SSMEM1: variants seen among roughly 807,000 people sequenced by gnomAD.
SSMEM1 encodes serine rich single-pass membrane protein 1.
A neutral mutation model predicts 9.9 loss-of-function variants in SSMEM1; 12 were observed. The ratio of observed to expected loss-of-function variants is 1.21; its 90% confidence interval spans 0.78 to 1.96. The LOEUF is 1.96. Among genes scored for constraint, SSMEM1 ranks in the 30% most tolerant of loss-of-function variants. SSMEM1 has a pLI of 0.00. For missense variants in SSMEM1, 259 were observed against 292.2 expected (o/e 0.89, Z 0.83); for synonymous variants, 96 against 98.9 (o/e 0.97, Z 0.17).
At chr7:130,208,219 A>G (rs568653894) in intron 1 of SSMEM1, 126 bp downstream of exon 1, 3 of 925,438 alleles carry the variant, frequency 3.2e-6, no homozygotes, top group South Asian at 2.1e-5. Context: ...AAATAATGCA[A>G]TCTTATTCTG....
intron 1 of SSMEM1, 75 bp downstream of exon 1, chr7:130,208,168 A>G: frequency 7.2e-7 from 1 of 1,382,306 alleles, no homozygotes; most frequent in Non-Finnish European, 9.7e-7. Flanking sequence ...TACATTTACT[A>G]TACTTTGATG....
chr7:130,216,640 A>T lies in SSMEM1; in HGVS notation c.*170A>T. 1 of 809,788 alleles carries T rather than the reference A, an allele frequency of 1.2e-6. No homozygotes were observed. The highest frequency in any genetic ancestry group is 2.7e-5 in the East Asian group (1 of 36,950). 50.2% of individuals were successfully genotyped at this position (809,788 alleles called of 1,614,324 possible). On this transcript the variant is annotated 3_prime_UTR_variant, in exon 3 of 3. Transcript: ENST00000297819. ...AATCTCACACAATTCTTCGTTCAAA[A>T]AAAAAAAGGCCATCACGTGTTTATG...
chr7:130,209,605 A>G (rs1023594174), intron 1 of SSMEM1, among the ~76,000 whole-genome samples: 1 of 152,168 alleles, frequency 6.6e-6, no homozygotes. Context: ...TTTGAGACGG[A>G]GTCTCGCCCT....
At chr7:130,212,940 A>G (rs538772885) in intron 1 of SSMEM1, among the ~76,000 whole-genome samples, 1 of 152,334 alleles carries the variant, frequency 6.6e-6, no homozygotes, top group South Asian at 2.1e-4. Context: ...CTGCTATCAA[A>G]GCATAGTCTT....
upstream of SSMEM1, chr7:130,205,532 C>A: frequency 8.5e-7 from 1 of 1,175,258 alleles, no homozygotes; most frequent in South Asian, 1.3e-5. Flanking sequence ...CCCAGGCGCT[C>A]GGAGCGTTAC....
In SSMEM1 at chr7:130,216,163, A is replaced by G. The variant is rs1356442059; in HGVS notation, c.428A>G (p.His143Arg). The change falls in exon 3 of 3, where the codon CAT becomes CGT. Residue 143 changes from histidine to arginine, a missense_variant. Transcript: ENST00000297819. ...SQFNEVNQNQ[H>R]DSDTTEYGSE... Reference sequence around the variant, plus strand: ...TTCAATGAGGTGAACCAGAACCAACATGACAGTGATACTACGGAGTATGGC... The same window carrying G: ...TTCAATGAGGTGAACCAGAACCAACGTGACAGTGATACTACGGAGTATGGC... 6.2e-6 allele frequency: 10 copies of G among 1,614,094 alleles called. No individual in the cohort carries two copies. In the African/African-American group the frequency reaches 8.0e-5, roughly 13 times the overall value.
chr7:130,214,767 G>GA (rs1798671105), intron 2 of SSMEM1, among the ~76,000 whole-genome samples: 3 of 152,062 alleles, frequency 2.0e-5, no homozygotes, highest in Non-Finnish European at 2.9e-5. Flanking sequence ...CATTTTGCAG[G>GA]GTTAGTCACA....
In SSMEM1 at chr7:130,211,160, C is replaced by CTT. The variant is rs59732545; in HGVS notation, c.184-2304_184-2303dup. Among the ~76,000 whole-genome samples the CTT allele has an allele frequency of 3.0e-3, 402 of 133,932 alleles. 3 individuals carry two copies. Among genetic ancestry groups the CTT allele is most frequent in the Middle Eastern group, 4.1e-3 (1 of 244 alleles). The allele number at this position is 133,932 out of a possible 152,430, so 87.9% of individuals were successfully genotyped here. Reference sequence around the variant, plus strand: ...AAAAGCATTTTTTATAAAGTGGTATCTTTTTTTTTTTTTTTTTGAGACAGA... The same window carrying CTT: ...AAAAGCATTTTTTATAAAGTGGTATCTTTTTTTTTTTTTTTTTTTGAGACAGA... On this transcript the variant is annotated intron_variant, in intron 1 of 2. Coordinates refer to ENST00000297819, the MANE Select transcript of SSMEM1 (RefSeq NM_145268.4).
chr7:130,213,465 A>G lies in SSMEM1; in HGVS notation c.184-15A>G, dbSNP rs372041272. On this transcript the variant is annotated splice_polypyrimidine_tract_variant and intron_variant, in intron 1 of 2. Transcript: ENST00000297819. ...CAACTGAGATCACTCTTACTAACCT[A>G]TGTTTCTGAAACAGATGTCTGAGGA... 6 of 1,608,456 alleles carry G rather than the reference A, an allele frequency of 3.7e-6. No homozygotes were observed. Among genetic ancestry groups the G allele is most frequent in the Non-Finnish European group, 5.1e-6 (6 of 1,176,344 alleles).
At chr7:130,212,660 G>C (rs1370204447) in intron 1 of SSMEM1, among the ~76,000 whole-genome samples, 1 of 151,524 alleles carries the variant, frequency 6.6e-6, no homozygotes, top group South Asian at 2.1e-4. Context: ...GGGAGGCGGA[G>C]ATTTCAGTGA....
chr7:130,214,932 C>T (rs1255815485), intron 2 of SSMEM1, among the ~76,000 whole-genome samples: 3 of 152,200 alleles, frequency 2.0e-5, no homozygotes, highest in African/African-American at 7.2e-5. Flanking sequence ...AATACTTCCA[C>T]CAAAGCTGAT....
chr7:130,207,883 T>C lies in SSMEM1; in HGVS notation c.-28T>C. 6.2e-7 allele frequency: 1 copy of C among 1,610,550 alleles called. No individual in the cohort carries two copies. Among genetic ancestry groups the C allele is most frequent in the Middle Eastern group, 1.7e-4 (1 of 6,046 alleles). ...CCAGTCATCTTTATCCCTTTAAGCA[T>C]GGTTTATTTTCTGAGCAAGGAGTCA... On this transcript the variant is annotated 5_prime_UTR_variant, in exon 1 of 3. It removes an upstream start codon present in the reference 5' UTR. Coordinates refer to ENST00000297819, the MANE Select transcript of SSMEM1 (RefSeq NM_145268.4).
intron 2 of SSMEM1, among the ~76,000 whole-genome samples, chr7:130,214,977 G>A (rs1324120117): frequency 6.6e-6 from 1 of 152,190 alleles, no homozygotes; most frequent in Admixed American, 6.5e-5. Context: ...TGAACATGGA[G>A]TTGGGAGGAG....
chr7:130,216,657 G>A lies in SSMEM1; in HGVS notation c.*187G>A, dbSNP rs1022859812. ...CGTTCAAAAAAAAAAAGGCCATCAC[G>A]TGTTTATGGCACCATTGGAACACCA... is the stretch of plus-strand genomic sequence containing the variant. On this transcript the variant is annotated 3_prime_UTR_variant, in exon 3 of 3. Transcript: ENST00000297819. 3 of 674,204 alleles carry A rather than the reference G, an allele frequency of 4.4e-6. No homozygotes were observed. The highest frequency in any genetic ancestry group is 4.2e-5 in the South Asian group (2 of 47,998). 41.8% of individuals were successfully genotyped at this position (674,204 alleles called of 1,614,324 possible).
At chr7:130,205,488 A>C (rs1401276285), upstream of SSMEM1, 1 of 1,546,058 alleles carries the variant, frequency 6.5e-7, no homozygotes, top group African/African-American at 1.4e-5. Flanking sequence ...AGAACTAGGT[A>C]GTCTCTTCTC....
chr7:130,213,712 A>AAG (rs1798647352), intron 2 of SSMEM1, among the ~76,000 whole-genome samples, 178 bp downstream of exon 2: 2 of 147,464 alleles, frequency 1.4e-5, no homozygotes, highest in African/African-American at 4.9e-5. Flanking sequence ...AAAAAAAAAA[A>AAG]AAGAAAAGAA....
chr7:130,208,172 T>G, intron 1 of SSMEM1, 79 bp downstream of exon 1: 1 of 1,355,998 alleles, frequency 7.4e-7, no homozygotes, highest in Non-Finnish European at 9.9e-7. Context: ...TTTACTATAC[T>G]TTGATGAAAC....
intron 2 of SSMEM1, 69 bp downstream of exon 2, chr7:130,213,603 G>T: frequency 7.6e-7 from 1 of 1,310,724 alleles, no homozygotes; most frequent in South Asian, 1.3e-5. Flanking sequence ...CATGCCTGTA[G>T]TCCCAGCTAC....
chr7:130,208,555 C>T (rs1464540814), intron 1 of SSMEM1, among the ~76,000 whole-genome samples: 1 of 152,146 alleles, frequency 6.6e-6, no homozygotes, highest in African/African-American at 2.4e-5. Context: ...AAGTTTGAAA[C>T]ATTCAGATTG....
Sources: allele counts gnomAD v4.1 joint callset (sites outside exome capture counted in the v4.1 genomes callset), GRCh38; gene constraint gnomAD v4.1.1; transcripts MANE v1.5; gene names NCBI Gene and HGNC (gene_info 2026-07-23, HGNC 2026-07-21).